Variants in NECTIN1 observed in about 807,000 individuals in gnomAD.
NECTIN1 encodes the protein nectin-1.
NECTIN1 carries 23 observed loss-of-function variants against 48.0 expected under a neutral mutation model. The ratio of observed to expected loss-of-function variants is 0.48; its 90% CI spans 0.34 to 0.68. NECTIN1 has a LOEUF of 0.68. NECTIN1 is among the 30% of genes least tolerant of loss of function. The pLI is 0.01. For missense variants in NECTIN1, 591 were observed against 709.9 expected (o/e 0.83, Z 1.90); for synonymous variants, 270 against 288.9 (o/e 0.93, Z 0.66).
intron 1 of NECTIN1, among the ~76,000 whole-genome samples, chr11:119,686,677 T>C (rs1865162270): frequency 6.6e-6 from 1 of 152,160 alleles, no homozygotes; most frequent in Admixed American, 6.5e-5. Flanking sequence ...GGTTGCTGCC[T>C]CGGCGAAAAC....
In NECTIN1 at chr11:119,661,581, G is replaced by A; in HGVS notation, c.*3166C>T. ...ACATCCGTGTCTGCTTGGCTCAGCA[G>A]AGCTGCCCACACCCACCTAACACAA... On this transcript the variant is annotated 3_prime_UTR_variant, in exon 6 of 6. Transcript: ENST00000264025. 4.1e-6 allele frequency: 4 copies of A among 985,872 alleles called. No individual in the cohort carries two copies. The South Asian group carries it at 1.9e-4, about 46-fold the overall frequency. The allele number at this position is 985,872 out of a possible 1,614,324, so 61.1% of individuals were successfully genotyped here.
intron 5 of NECTIN1, chr11:119,674,419 ACAGACTGAT>A: frequency 6.5e-7 from 1 of 1,533,860 alleles, no homozygotes; most frequent in Non-Finnish European, 8.8e-7. Flanking sequence ...CCATTTATTG[ACAGACTGAT>A]CTGTGCTAGG....
chr11:119,647,969 CAAGAG>C (rs1864419444), intron 5 of NECTIN1, among the ~76,000 whole-genome samples: 1 of 134,906 alleles, frequency 7.4e-6, no homozygotes, highest in East Asian at 2.3e-4. Context: ...GAGGCCGAGA[CAAGAG>C]AATCACTTGA....
In NECTIN1 at chr11:119,678,143, C is replaced by T. The variant is rs1864993192; in HGVS notation, c.430+272G>A. 6.6e-6 allele frequency among the ~76,000 whole-genome samples: 1 copy of T among 152,192 alleles called. No individual in the cohort carries two copies. Among genetic ancestry groups the T allele is most frequent in the East Asian group, 1.9e-4 (1 of 5,196 alleles). On this transcript the variant is annotated intron_variant, in intron 2 of 5. Transcript: ENST00000264025. The surrounding 1 kb of genome is among the most constrained non-coding windows in gnomAD (Gnocchi z 4.4). ...GCAGCGCAGGTGGCTCCTTTCCTTA[C>T]CGTGGTGTCTGATGCTGCTGCCAGC... is the stretch of plus-strand genomic sequence containing the variant.
Position 119,677,673 on chromosome 11 carries a change from C to T in NECTIN1, c.615G>A (p.Val205=), listed in dbSNP as rs1248982107. ...YQEIRNPNGT[V]TVISRYRLVP... is the part of the protein sequence containing the mutation. ...CCAGGCGGTAGCGGCTGATGACCGT[C>T]ACTGTGCCATTGGGGTTCCGGATCT... is the stretch of plus-strand genomic sequence containing the variant. Residue 205 remains valine, a synonymous_variant, in exon 3 of 6, where the codon GTG becomes GTA. Coordinates refer to ENST00000264025, the MANE Select transcript of NECTIN1 (RefSeq NM_002855.5). This position sits in a 1 kb window ranked among gnomAD's most constrained non-coding sequence, Gnocchi z 5.4. 3 of 1,614,032 alleles carry T rather than the reference C, an allele frequency of 1.9e-6. No homozygotes were observed. Among genetic ancestry groups the T allele is most frequent in the African/African-American group, 2.7e-5 (2 of 74,908 alleles).
At position 119,661,673 on chromosome 11, in the gene NECTIN1, T is replaced by C. The variant is rs1864668108; in HGVS notation, c.*3074A>G. On this transcript the variant is annotated 3_prime_UTR_variant, in exon 6 of 6. Coordinates refer to ENST00000264025, the MANE Select transcript of NECTIN1 (RefSeq NM_002855.5). ...CACCAGTGACTTGGGCAAGTGGGGG[T>C]TGGCTGGCAGAGGAAGCGCATGCCC... 5 of 985,672 alleles carry C rather than the reference T, an allele frequency of 5.1e-6. No individual in the cohort carries two copies. Among genetic ancestry groups the C allele is most frequent in the Non-Finnish European group, 2.4e-6 (2 of 829,942 alleles). 61.1% of individuals were successfully genotyped at this position (985,672 alleles called of 1,614,324 possible).
At chr11:119,676,797 C>G in intron 4 of NECTIN1, 1 of 435,376 alleles carries the variant, frequency 2.3e-6, no homozygotes, top group Non-Finnish European at 4.3e-6. Flanking sequence ...GGGAGTGACT[C>G]AGACTGAATC....
At chr11:119,639,423 T>C (rs1180475723) in intron 6 of NECTIN1, 1 of 208,396 alleles carries the variant, frequency 4.8e-6, no homozygotes, top group East Asian at 1.2e-4. Context: ...CATTAAAATA[T>C]GATTTATCCT....
rs1296924979 is a variant in NECTIN1 at position 119,662,776 on chromosome 11, C to T, written c.*1971G>A. 4 of 986,532 alleles carry T rather than the reference C, an allele frequency of 4.1e-6. No homozygotes were observed. Among genetic ancestry groups the T allele is most frequent in the South Asian group, 4.7e-5 (1 of 21,300 alleles). The allele number at this position is 986,532 out of a possible 1,614,324, so 61.1% of individuals were successfully genotyped here. ...AGCAGCCCAGCTCCTCCACCTCCCT[C>T]TGCCCTGTGGCTGGAAAGACTCCAC... is the stretch of plus-strand genomic sequence containing the variant. On this transcript the variant is annotated 3_prime_UTR_variant, in exon 6 of 6. Transcript: ENST00000264025. The surrounding 1 kb of genome is among the most constrained non-coding windows in gnomAD (Gnocchi z 5.3).
At chr11:119,676,295 A>C (rs7122134) in intron 4 of NECTIN1, among the ~76,000 whole-genome samples, 1 of 152,062 alleles carries the variant, frequency 6.6e-6, no homozygotes, top group African/African-American at 2.4e-5. Context: ...TCCTGGGTCC[A>C]CAGAGCTGAA....
rs915042754 is a variant in NECTIN1 at position 119,661,821 on chromosome 11, G to A, written c.*2926C>T. ...CACATCTGTGCTGAGTGGCCATCTG[G>A]CTGTGCATGCATGCGTGTGTACATG... is the stretch of plus-strand genomic sequence containing the variant. On this transcript the variant is annotated 3_prime_UTR_variant, in exon 6 of 6. Transcript: ENST00000264025. 14 of 985,288 alleles carry A rather than the reference G, an allele frequency of 1.4e-5. No individual in the cohort carries two copies. The African/African-American group carries it at 2.4e-4, about 17-fold the overall frequency. 61.0% of individuals were successfully genotyped at this position (985,288 alleles called of 1,614,324 possible). A position where few individuals can be genotyped will look rare whatever the true frequency, so the allele number is the denominator to read the frequency against.
chr11:119,643,713 C>T (rs989600155), intron 5 of NECTIN1, among the ~76,000 whole-genome samples: 2 of 152,238 alleles, frequency 1.3e-5, no homozygotes, highest in Non-Finnish European at 2.9e-5. Context: ...TCTCTGGTTA[C>T]ACCGTGACAA....
At position 119,664,853 on chromosome 11, in the gene NECTIN1, T is replaced by A; in HGVS notation, c.1448A>T (p.Asp483Val). Residue 483 changes from aspartate (D) to valine (V), a missense_variant, in exon 6 of 6, where the codon GAC becomes GTC. Asp to Val is a radical substitution (Grantham distance 152, BLOSUM62 -3). Transcript: ENST00000264025. ...GTCGTACTGGTAGCCCAGAGTCCGG[T>A]CCCCGTAGCCGTCCTGACGGGCCTC... is the stretch of plus-strand genomic sequence containing the variant. Reference protein sequence around the residue: ...EAEARQDGYGDRTLGYQYDPE... With the variant: ...EAEARQDGYGVRTLGYQYDPE... 1 of 1,613,864 alleles carries A rather than the reference T, an allele frequency of 6.2e-7. No homozygotes were observed. The highest frequency in any genetic ancestry group is 8.5e-7 in the Non-Finnish European group (1 of 1,179,920).
chr11:119,694,510 C>T (rs1295585746), intron 1 of NECTIN1, among the ~76,000 whole-genome samples: 1 of 152,206 alleles, frequency 6.6e-6, no homozygotes, highest in African/African-American at 2.4e-5. Flanking sequence ...GTTGGGAGGC[C>T]TGGGTCCCCT....
intron 1 of NECTIN1, among the ~76,000 whole-genome samples, chr11:119,722,002 G>A (rs1369941762): frequency 6.6e-6 from 1 of 152,228 alleles, no homozygotes; most frequent in Non-Finnish European, 1.5e-5. Flanking sequence ...TGGTAAAGTG[G>A]AGGACCGTCC....
chr11:119,696,915 GT>G (rs903281417), intron 1 of NECTIN1, among the ~76,000 whole-genome samples: 4 of 152,180 alleles, frequency 2.6e-5, no homozygotes, highest in Non-Finnish European at 4.4e-5. Flanking sequence ...GCCGCGCGAT[GT>G]CACCTGCACA....
chr11:119,726,761 C>T (rs953397286), intron 1 of NECTIN1, among the ~76,000 whole-genome samples: 3 of 152,312 alleles, frequency 2.0e-5, no homozygotes, highest in East Asian at 1.9e-4. Flanking sequence ...CCCAGGATTA[C>T]GTTAACCCCT....
rs1290622604 is a variant in NECTIN1, at chr11:119,664,460, TAC to T, written c.*285_*286del. On this transcript the variant is annotated 3_prime_UTR_variant, in exon 6 of 6. Coordinates refer to ENST00000264025, the MANE Select transcript of NECTIN1 (RefSeq NM_002855.5). ...TACACAAGACGAGAACAGGGCTCCC[TAC>T]ACAGAGGGCAGGCAGGTGGGGCCCG... 7.9e-7 allele frequency: 1 copy of T among 1,271,068 alleles called. No individual in the cohort carries two copies. The highest frequency in any genetic ancestry group is 1.5e-5 in the African/African-American group (1 of 66,480). 78.7% of individuals were successfully genotyped at this position (1,271,068 alleles called of 1,614,324 possible).
chr11:119,676,637 C>G (rs1205672855), intron 4 of NECTIN1, among the ~76,000 whole-genome samples: 5 of 152,242 alleles, frequency 3.3e-5, no homozygotes, highest in African/African-American at 1.2e-4. Context: ...GCTCCATGAG[C>G]ACAGGCATTC....
Sources: allele counts gnomAD v4.1 joint callset (sites outside exome capture counted in the v4.1 genomes callset), GRCh38; gene constraint gnomAD v4.1.1; non-coding constraint Gnocchi (gnomAD v3.1); transcripts MANE v1.5; gene names NCBI Gene and HGNC (gene_info 2026-07-23, HGNC 2026-07-21).